The following KIF5A variants were observed in gnomAD, a reference collection of about 807,000 sequenced individuals.
The protein encoded by KIF5A is kinesin heavy chain isoform 5A.
Under a neutral mutation model 141.3 loss-of-function variants are expected in KIF5A, and 35 were observed. That is an observed-to-expected ratio of 0.25 (90% confidence interval 0.19 to 0.33). The LOEUF is 0.33. KIF5A is among the 10% of genes least tolerant of loss of function. KIF5A has a pLI of 1.00. For synonymous variants in KIF5A, 448 were observed against 500.2 expected (o/e 0.90, Z 1.39); for missense variants, 861 against 1,314.3 (o/e 0.66, Z 5.33).
At chr12:57,564,564 C>G in intron 5 of KIF5A, 56 bp downstream of exon 5, 1 of 1,341,806 alleles carries the variant, frequency 7.5e-7, no homozygotes, top group Non-Finnish European at 1.1e-6. Context: ...GAAAAGAAAG[C>G]TCACATTGCA....
At chr12:57,579,699 C>T (rs1262584285) in intron 23 of KIF5A, among the ~76,000 whole-genome samples, 1 of 152,180 alleles carries the variant, frequency 6.6e-6, no homozygotes, top group Non-Finnish European at 1.5e-5. Context: ...TTCATTCCCG[C>T]ATTCACTTTC....
intron 1 of KIF5A, among the ~76,000 whole-genome samples, chr12:57,553,373 C>T (rs1383541807): frequency 6.6e-6 from 1 of 152,188 alleles, no homozygotes; most frequent in African/African-American, 2.4e-5. Context: ...GTGTACCTCA[C>T]TTGGCAAAGC....
chr12:57,578,358 A>G lies in KIF5A; in HGVS notation c.2538+16A>G. ...TCACAAACAGGTAAGAGTCTGCTGAAGGAGTGAAGAGAATTTTTGAGGCCG... is the reference window on the plus strand; with the variant it reads ...TCACAAACAGGTAAGAGTCTGCTGAGGGAGTGAAGAGAATTTTTGAGGCCG... On this transcript the variant is annotated intron_variant, in intron 23 of 28. Coordinates refer to ENST00000455537, the MANE Select transcript of KIF5A (RefSeq NM_004984.4). 6.3e-7 allele frequency: 1 copy of G among 1,576,972 alleles called. No homozygotes were observed. The highest frequency in any genetic ancestry group is 8.7e-7 in the Non-Finnish European group (1 of 1,146,168).
rs186706979 is a variant in KIF5A at position 57,555,227 on chromosome 12, T to G, written c.129+4827T>G. 2.9e-3 allele frequency among the ~76,000 whole-genome samples: 442 copies of G among 152,254 alleles called. 4 individuals carry two copies. The highest frequency in any genetic ancestry group is 9.8e-3 in the African/African-American group (408 of 41,546). On this transcript the variant is annotated intron_variant, in intron 1 of 28. Transcript: ENST00000455537. ...GTCTGATTCAGAGTATTGTGTGTTA[T>G]GAGAGCTGTAAATAATGGTGGTGCT... is the stretch of plus-strand genomic sequence containing the variant.
At position 57,576,872 on chromosome 12, in the gene KIF5A, A is replaced by G; in HGVS notation, c.2300+10A>G. 1.2e-6 allele frequency: 2 copies of G among 1,603,714 alleles called. No homozygotes were observed. Among genetic ancestry groups the G allele is most frequent in the Non-Finnish European group, 1.7e-6 (2 of 1,170,928 alleles). On this transcript the variant is annotated intron_variant, in intron 20 of 28. Transcript: ENST00000455537. ...AGCTGCAGGAGCTGACGTGAGTGGC[A>G]TGGATTTACCTGTAAAACTACAGCC...
Position 57,567,106 on chromosome 12 carries a change from T to A in KIF5A, c.502-20T>A, listed in dbSNP as rs751690235. On this transcript the variant is annotated intron_variant, in intron 6 of 28. Transcript: ENST00000455537. ...TTAAAAAACAAAGCTTATGGGTCAC[T>A]GTCCATTTGTCCCCCACAGGGTTGT... 2 of 1,505,788 alleles carry A rather than the reference T, an allele frequency of 1.3e-6. No homozygotes were observed. The highest frequency in any genetic ancestry group is 4.5e-5 in the East Asian group (2 of 44,102). The allele number at this position is 1,505,788 out of a possible 1,614,324, so 93.3% of individuals were successfully genotyped here.
intron 24 of KIF5A, 41 bp downstream of exon 24, chr12:57,581,213 A>C: frequency 1.3e-6 from 2 of 1,577,040 alleles, no homozygotes; most frequent in Non-Finnish European, 1.7e-6. Flanking sequence ...TATCTCCTGA[A>C]GCAAATTTAG....
chr12:57,581,710 G>A (rs1035844002), intron 25 of KIF5A, 142 bp downstream of exon 25: 8 of 1,222,942 alleles, frequency 6.5e-6, no homozygotes, highest in Non-Finnish European at 9.6e-6. Context: ...TAGAAGGTAG[G>A]TGTCTGCCCT....
rs919684766 is a variant in KIF5A at position 57,583,041 on chromosome 12, C to T, written c.3021-60C>T. On this transcript the variant is annotated intron_variant, in intron 27 of 28. Coordinates refer to ENST00000455537, the MANE Select transcript of KIF5A (RefSeq NM_004984.4). ...AGGGACACTCTCAGAGCAGAGTAAC[C>T]ATGATGACAGGAATACTTTAATTTC... The T allele has an allele frequency of 2.9e-6, 4 of 1,358,928 alleles. No homozygotes were observed. The African/African-American group carries it at 4.3e-5, about 15-fold the overall frequency. 84.2% of individuals were successfully genotyped at this position (1,358,928 alleles called of 1,614,324 possible).
chr12:57,559,163 A>C (rs937945676), intron 1 of KIF5A, among the ~76,000 whole-genome samples: 16 of 152,248 alleles, frequency 1.1e-4, no homozygotes, highest in African/African-American at 3.6e-4. Flanking sequence ...ATCTGCTATT[A>C]CAAACAGTTG....
intron 19 of KIF5A, 104 bp from the exon 20 acceptor site, chr12:57,576,657 T>G: frequency 1.2e-6 from 1 of 861,836 alleles, no homozygotes; most frequent in Non-Finnish European, 2.0e-6. Context: ...CAATTCTAAC[T>G]GGACTCACTC....
chr12:57,576,169 C>A lies in KIF5A; in HGVS notation c.2088+18C>A. The A allele has an allele frequency of 6.2e-7, 1 of 1,613,716 alleles. No individual in the cohort carries two copies. The highest frequency in any genetic ancestry group is 1.3e-5 in the African/African-American group (1 of 75,028). ...AAGTGAAGGTGAGTAAGGAAGGTGTCAGGGACAATTGGGGCCTGGTGTGGT... is the reference window on the plus strand; with the variant it reads ...AAGTGAAGGTGAGTAAGGAAGGTGTAAGGGACAATTGGGGCCTGGTGTGGT... On this transcript the variant is annotated intron_variant, in intron 18 of 28. Transcript: ENST00000455537.
chr12:57,568,256 A>G (rs1192966459), intron 8 of KIF5A, among the ~76,000 whole-genome samples: 1 of 152,160 alleles, frequency 6.6e-6, no homozygotes, highest in African/African-American at 2.4e-5. Context: ...TTTAAAGTGC[A>G]ATTCAGTTGT....
chr12:57,558,485 C>A (rs866059100), intron 1 of KIF5A, among the ~76,000 whole-genome samples: 1 of 152,132 alleles, frequency 6.6e-6, no homozygotes, highest in African/African-American at 2.4e-5. Flanking sequence ...ACCAGCCTGG[C>A]CAACATGGCC....
Position 57,581,635 on chromosome 12 carries a change from G to T in KIF5A, c.2909+67G>T, listed in dbSNP as rs1882605816. Reference sequence around the variant, plus strand: ...CCCTGGACCCTAGAAGGCATAGGGTGGGGGCAGTTATTGGTTGTGGCTTAA... The same window carrying T: ...CCCTGGACCCTAGAAGGCATAGGGTTGGGGCAGTTATTGGTTGTGGCTTAA... On this transcript the variant is annotated intron_variant, in intron 25 of 28. Coordinates refer to ENST00000455537, the MANE Select transcript of KIF5A (RefSeq NM_004984.4). 5 of 1,542,114 alleles carry T rather than the reference G, an allele frequency of 3.2e-6. No homozygotes were observed. In the East Asian group the frequency reaches 1.1e-4, roughly 35 times the overall value.
chr12:57,569,747 C>A, intron 11 of KIF5A, 64 bp downstream of exon 11: 1 of 1,596,620 alleles, frequency 6.3e-7, no homozygotes, highest in Non-Finnish European at 8.5e-7. Context: ...TGGGAGCCAA[C>A]TCTGTTTGGG....
At position 57,575,774 on chromosome 12, in the gene KIF5A, C is replaced by T. The variant is rs780575671; in HGVS notation, c.2023+17C>T. On this transcript the variant is annotated intron_variant, in intron 17 of 28. Coordinates refer to ENST00000455537, the MANE Select transcript of KIF5A (RefSeq NM_004984.4). ...AGGCCCAGGGTGAGGCCTTCTTATACCTCCATCCCACTGTCCAGGGCAGAA... is the reference window on the plus strand; with the variant it reads ...AGGCCCAGGGTGAGGCCTTCTTATATCTCCATCCCACTGTCCAGGGCAGAA... 1.3e-6 allele frequency: 2 copies of T among 1,529,178 alleles called. No individual in the cohort carries two copies. The highest frequency in any genetic ancestry group is 1.7e-5 in the Admixed American group (1 of 59,938). 94.7% of individuals were successfully genotyped at this position (1,529,178 alleles called of 1,614,324 possible).
intron 1 of KIF5A, among the ~76,000 whole-genome samples, chr12:57,559,506 C>T (rs1160295925): frequency 6.6e-6 from 1 of 152,138 alleles, no homozygotes; most frequent in African/African-American, 2.4e-5. Context: ...TTAGGAGCCA[C>T]TATAACATCA....
intron 11 of KIF5A, 105 bp from the exon 12 acceptor site, chr12:57,569,882 G>A (rs182458859): frequency 7.0e-7 from 1 of 1,428,680 alleles, no homozygotes; most frequent in African/African-American, 1.4e-5. Flanking sequence ...AAGGTAGAGG[G>A]TCCACCTGGC....
Sources: gnomAD v4.1 joint callset for allele counts (sites outside exome capture counted in the v4.1 genomes callset) on GRCh38, gnomAD v4.1.1 for gene constraint, MANE v1.5 for transcripts, NCBI Gene and HGNC (gene_info 2026-07-23, HGNC 2026-07-21) for gene names.